The following SUSD1 variants were observed in gnomAD, a reference collection of about 807,000 sequenced individuals.
The protein encoded by SUSD1 is sushi domain-containing protein 1.
Under a neutral mutation model 86.9 loss-of-function variants are expected in SUSD1, and 65 were observed. That is an observed-to-expected ratio of 0.75 (90% CI 0.61 to 0.92). SUSD1 has a LOEUF of 0.92. Ranked by LOEUF, SUSD1 falls within the 40% of genes least tolerant of loss-of-function variation. The probability of loss-of-function intolerance (pLI) is 0.00; values close to 1 mark genes in which losing one functional copy is unlikely to be tolerated. For synonymous variants in SUSD1, 346 were observed against 350.0 expected, an observed-to-expected ratio of 0.99 and a Z score of 0.13; for missense variants, 850 against 929.7, an observed-to-expected ratio of 0.91 and a Z score of 1.11.
chr9:112,107,906 A>G (rs1830920268), intron 8 of SUSD1, among the ~76,000 whole-genome samples: 1 of 152,248 alleles, frequency 6.6e-6, no homozygotes, highest in African/African-American at 2.4e-5. Flanking sequence ...CCTTATTAAT[A>G]AAGTTGACTT....
In SUSD1 at chr9:112,138,238, T is replaced by TATATATATATATATATATGTATATACAC. The variant is rs1554770280; in HGVS notation, c.706+4081_706+4082insGTGTATATACATATATATATATATATAT. 3.0e-4 allele frequency among the ~76,000 whole-genome samples: 11 copies of TATATATATATATATATATGTATATACAC among 36,978 alleles called. 1 individual carries two copies. The highest frequency in any genetic ancestry group is 4.6e-4 in the African/African-American group (3 of 6,534). The allele number at this position is 36,978 out of a possible 152,430, so 24.3% of individuals were successfully genotyped here. On this transcript the variant is annotated intron_variant, in intron 5 of 16. Transcript: ENST00000374270. ...GACTCCATCTCAAAAAAAAAATGTG[T>TATATATATATATATATATGTATATACAC]ATATATATATATATATATGTGTATA... is the stretch of plus-strand genomic sequence containing the variant.
At chr9:112,150,328 C>A (rs1040140564) in intron 2 of SUSD1, among the ~76,000 whole-genome samples, 1 of 142,756 alleles carries the variant, frequency 7.0e-6, no homozygotes. Flanking sequence ...CCTTTTAGAG[C>A]TGATCTACAC....
At chr9:112,053,612 T>C (rs1314359875) in intron 14 of SUSD1, among the ~76,000 whole-genome samples, 1 of 151,558 alleles carries the variant, frequency 6.6e-6, no homozygotes, top group Non-Finnish European at 1.5e-5. Context: ...GTGCAGATAT[T>C]AGAAATGGAA....
intron 10 of SUSD1, among the ~76,000 whole-genome samples, chr9:112,094,743 A>G (rs1830327516): frequency 6.6e-6 from 1 of 152,230 alleles, no homozygotes; most frequent in Non-Finnish European, 1.5e-5. Context: ...AAAATATGAC[A>G]AGGAAAAGTT....
At chr9:112,150,087 A>G (rs2131791242) in intron 2 of SUSD1, among the ~76,000 whole-genome samples, 1 of 152,360 alleles carries the variant, frequency 6.6e-6, no homozygotes, top group East Asian at 1.9e-4. Flanking sequence ...CCTCTAGCTC[A>G]GGGGTCAGCA....
intron 15 of SUSD1, among the ~76,000 whole-genome samples, chr9:112,050,036 T>A (rs1828121049): frequency 6.6e-6 from 1 of 152,198 alleles, no homozygotes; most frequent in Non-Finnish European, 1.5e-5. Context: ...AGCTGCTGAG[T>A]AGAGTGGATT....
chr9:112,111,614 A>G, intron 8 of SUSD1, 40 bp downstream of exon 8: 1 of 1,597,600 alleles, frequency 6.3e-7, no homozygotes, highest in South Asian at 1.1e-5. Flanking sequence ...TTCTGTGCTT[A>G]GCATTTTCTA....
At chr9:112,100,672 A>G (rs1830595405) in intron 9 of SUSD1, among the ~76,000 whole-genome samples, 1 of 151,954 alleles carries the variant, frequency 6.6e-6, no homozygotes, top group African/African-American at 2.4e-5. Context: ...TCTTTACCAA[A>G]AATACAAAAA....
intron 12 of SUSD1, among the ~76,000 whole-genome samples, chr9:112,064,046 T>TGGGGGGGGGGGGG (rs58850509): frequency 1.3e-5 from 1 of 78,646 alleles, no homozygotes; most frequent in African/African-American, 4.0e-5. Context: ...TTTCTTTTTT[T>TGGGGGGGGGGGGG]GGGGGGGGGG....
At position 112,165,935 on chromosome 9, in the gene SUSD1, AAAGAAAG is replaced by A. The variant is rs1306601854; in HGVS notation, c.104-8329_104-8323del. ...GAAGGAAGAAAGAAAAGAAAGAAAG[AAAGAAAG>A]AAGAAAGAAAGAAAGAAAGAAAGAA... On this transcript the variant is annotated intron_variant, in intron 1 of 16. Transcript: ENST00000374270. 9.2e-5 allele frequency among the ~76,000 whole-genome samples: 11 copies of A among 119,932 alleles called. No homozygotes were observed. The South Asian group carries it at 1.1e-3, about 12-fold the overall frequency. 78.7% of individuals were successfully genotyped at this position (119,932 alleles called of 152,430 possible). A position where few individuals can be genotyped will look rare whatever the true frequency, so the allele number is the denominator to read the frequency against.
chr9:112,172,196 CAAA>C (rs11332622), intron 1 of SUSD1, among the ~76,000 whole-genome samples: 22 of 140,346 alleles, frequency 1.6e-4, no homozygotes, highest in South Asian at 2.3e-4. Context: ...GAGACTGTCT[CAAA>C]AAAAAAAAAA....
intron 13 of SUSD1, among the ~76,000 whole-genome samples, chr9:112,059,609 A>T (rs1828620995): frequency 6.6e-6 from 1 of 152,272 alleles, no homozygotes; most frequent in Non-Finnish European, 1.5e-5. Context: ...TGAAACAGCC[A>T]GAACAGTAAT....
chr9:112,148,323 G>A (rs1324003023), intron 3 of SUSD1, among the ~76,000 whole-genome samples: 2 of 152,056 alleles, frequency 1.3e-5, no homozygotes, highest in South Asian at 2.1e-4. Context: ...AAATTAGGAG[G>A]GTTTGTCCCC....
chr9:112,102,352 A>G, intron 8 of SUSD1, 67 bp from the exon 9 acceptor site: 4 of 743,584 alleles, frequency 5.4e-6, no homozygotes, highest in Non-Finnish European at 6.4e-6. Flanking sequence ...ATGGCTGAGT[A>G]CAAGTGAAAC....
At chr9:112,171,375 A>G (rs1834039087) in intron 1 of SUSD1, among the ~76,000 whole-genome samples, 1 of 152,194 alleles carries the variant, frequency 6.6e-6, no homozygotes, top group South Asian at 2.1e-4. Context: ...GCCTTTGCTT[A>G]TTCTTGTTTG....
chr9:112,090,473 G>C (rs1830160623), intron 10 of SUSD1, among the ~76,000 whole-genome samples: 1 of 151,972 alleles, frequency 6.6e-6, no homozygotes, highest in Non-Finnish European at 1.5e-5. Context: ...AATTGTCCCA[G>C]GGCATAAATA....
intron 1 of SUSD1, among the ~76,000 whole-genome samples, chr9:112,163,625 T>C (rs1412979063): frequency 6.7e-6 from 1 of 149,064 alleles, no homozygotes; most frequent in African/African-American, 2.5e-5. Flanking sequence ...GCAACAGAGC[T>C]AGACTGTCTC....
At chr9:112,065,340 T>A (rs931649209) in intron 12 of SUSD1, among the ~76,000 whole-genome samples, 3 of 152,132 alleles carry the variant, frequency 2.0e-5, no homozygotes, top group South Asian at 2.1e-4. Context: ...CTGGGCAACA[T>A]GGTGAAATCC....
intron 5 of SUSD1, among the ~76,000 whole-genome samples, chr9:112,139,451 A>T (rs558253679): frequency 1.8e-4 from 27 of 152,182 alleles, no homozygotes; most frequent in East Asian, 3.9e-4. Context: ...TATTATTATT[A>T]TTTTTTCTTT....
Sources: gnomAD v4.1 joint callset for allele counts (sites outside exome capture counted in the v4.1 genomes callset) on GRCh38, gnomAD v4.1.1 for gene constraint, MANE v1.5 for transcripts, NCBI Gene and HGNC (gene_info 2026-07-23, HGNC 2026-07-21) for gene names.